The following SAMD12 variants were observed in gnomAD, a reference collection of about 807,000 sequenced individuals.
SAMD12 encodes sterile alpha motif domain containing 12.
A neutral mutation model predicts 15.0 loss-of-function variants in SAMD12; 9 were observed. That is an observed-to-expected ratio of 0.60 (90% confidence interval 0.36 to 1.05). The LOEUF (loss-of-function observed/expected upper bound fraction) is 1.05, where lower values mean the gene tolerates loss of function less well. SAMD12 is among the 50% of genes least tolerant of loss of function. SAMD12 has a pLI of 0.01. For missense variants in SAMD12, 230 were observed against 234.2 expected, an observed-to-expected ratio of 0.98 and a Z score of 0.12; for synonymous variants, 86 against 90.1, an observed-to-expected ratio of 0.96 and a Z score of 0.25.
chr8:118,457,894 T>C (rs933577838), intron 2 of SAMD12, among the ~76,000 whole-genome samples: 1 of 152,222 alleles, frequency 6.6e-6, no homozygotes, highest in Non-Finnish European at 1.5e-5. Flanking sequence ...CAATATGACT[T>C]GTCCTTTGGG....
rs1279590029 is a variant in SAMD12, at chr8:118,216,081, G to A, written c.434-18349C>T. On this transcript the variant is annotated intron_variant, in intron 4 of 4. Coordinates refer to the SAMD12 transcript ENST00000409003. The stretch of plus-strand genomic sequence containing the variant: ...GTTGAACTAGTTTACAGTCCCACCA[G>A]CAGTGTAAAAGTGTTCCTATTTCTC... Among the ~76,000 whole-genome samples the A allele has an allele frequency of 3.2e-3, 473 of 149,388 alleles. 2 individuals carry two copies. Among genetic ancestry groups the A allele is most frequent in the African/African-American group, 8.9e-3 (362 of 40,610 alleles).
chr8:118,237,263 G>GA (rs1451103465), intron 4 of SAMD12, among the ~76,000 whole-genome samples: 1 of 151,880 alleles, frequency 6.6e-6, no homozygotes, highest in Non-Finnish European at 1.5e-5. Context: ...AAAAAAGATG[G>GA]AAAAAAATGA....
At chr8:118,250,853 C>G (rs923369120) in intron 4 of SAMD12, among the ~76,000 whole-genome samples, 3 of 151,984 alleles carry the variant, frequency 2.0e-5, no homozygotes, top group African/African-American at 7.2e-5. Flanking sequence ...TTCCTCTAAG[C>G]TGTGAAACAT....
chr8:118,226,911 C>T (rs536882034), intron 4 of SAMD12, among the ~76,000 whole-genome samples: 3 of 152,244 alleles, frequency 2.0e-5, no homozygotes, highest in Non-Finnish European at 2.9e-5. Context: ...ATAAGTAGAA[C>T]ATTCCATAAA....
chr8:118,350,082 C>T (rs959204899), intron 4 of SAMD12, among the ~76,000 whole-genome samples: 6 of 152,146 alleles, frequency 3.9e-5, no homozygotes, highest in Non-Finnish European at 5.9e-5. Context: ...TGAGCTGTTA[C>T]TCAGCCTGAG....
chr8:118,133,026 A>C, the SAMD12 span, among the ~76,000 whole-genome samples: 19 of 102,456 alleles, frequency 1.9e-4, no homozygotes, highest in East Asian at 9.1e-4. Context: ...ATATATATAT[A>C]TCTTATTACT....
intron 1 of SAMD12, among the ~76,000 whole-genome samples, chr8:118,602,328 T>C (rs1467856373): frequency 2.0e-5 from 3 of 152,214 alleles, no homozygotes; most frequent in African/African-American, 7.2e-5. Context: ...GAAAGCCCAA[T>C]GCTGTGTGCA....
intron 2 of SAMD12, among the ~76,000 whole-genome samples, chr8:118,530,872 T>TA (rs1825666525): frequency 6.6e-6 from 1 of 152,168 alleles, no homozygotes; most frequent in Admixed American, 6.5e-5. Context: ...GACAGGGACT[T>TA]ACTCTGTAGC....
chr8:118,406,259 C>A (rs1470913887), intron 3 of SAMD12, among the ~76,000 whole-genome samples: 1 of 151,714 alleles, frequency 6.6e-6, no homozygotes, highest in Non-Finnish European at 1.5e-5. Flanking sequence ...ACCATCTTAA[C>A]CATTTTATTT....
chr8:118,452,093 C>A (rs1183856952), intron 2 of SAMD12, among the ~76,000 whole-genome samples: 1 of 152,156 alleles, frequency 6.6e-6, no homozygotes, highest in Non-Finnish European at 1.5e-5. Context: ...CTGTCCACCA[C>A]ACAGAGGGAG....
intron 2 of SAMD12, among the ~76,000 whole-genome samples, chr8:118,497,297 T>C (rs982102246): frequency 2.0e-5 from 3 of 152,136 alleles, no homozygotes; most frequent in Non-Finnish European, 2.9e-5. Flanking sequence ...CTATTCACAA[T>C]AGCAAAGACA....
chr8:118,427,852 C>T (rs1303868812), intron 3 of SAMD12, among the ~76,000 whole-genome samples: 1 of 152,178 alleles, frequency 6.6e-6, no homozygotes, highest in Admixed American at 6.5e-5. Context: ...AGAAACTTGA[C>T]ATTTTCAAAT....
rs559294353 is a variant in SAMD12 at position 118,585,026 on chromosome 8, A to G, written c.14-4133T>C. ...GCTCATGTACATAGCAGCATTATTC[A>G]TAACAGTCAAACAGGCATAAACCAA... On this transcript the variant is annotated intron_variant, in intron 1 of 3. Transcript: ENST00000314727. 4.6e-5 allele frequency among the ~76,000 whole-genome samples: 7 copies of G among 152,298 alleles called. No individual in the cohort carries two copies. In the South Asian group the frequency reaches 8.3e-4, roughly 18 times the overall value.
At chr8:118,482,282 T>C (rs1824147921) in intron 2 of SAMD12, among the ~76,000 whole-genome samples, 1 of 152,220 alleles carries the variant, frequency 6.6e-6, no homozygotes. Flanking sequence ...ATCTTTGCCC[T>C]AGAGTTACAG....
In SAMD12 at chr8:118,551,890, T is replaced by C. The variant is rs189961252; in HGVS notation, c.192+28825A>G. On this transcript the variant is annotated intron_variant, in intron 2 of 3. Transcript: ENST00000314727. ...AATACAAACTACCATCAGAGAATAC[T>C]ACAAATACGTCTACGCAAATAAACT... Among the ~76,000 whole-genome samples the C allele has an allele frequency of 4.0e-4, 61 of 151,394 alleles. 1 individual carries two copies. Among genetic ancestry groups the C allele is most frequent in the African/African-American group, 7.5e-4 (31 of 41,180 alleles).
intron 2 of SAMD12, among the ~76,000 whole-genome samples, chr8:118,527,094 T>C (rs893157395): frequency 4.6e-5 from 7 of 152,190 alleles, no homozygotes; most frequent in Admixed American, 6.5e-5. Context: ...TTTTCTCCAT[T>C]TGATATTTCT....
At chr8:118,519,527 ATCCAT>A (rs1420538431) in intron 2 of SAMD12, among the ~76,000 whole-genome samples, 1 of 152,228 alleles carries the variant, frequency 6.6e-6, no homozygotes, top group Non-Finnish European at 1.5e-5. Context: ...ATATATCTAC[ATCCAT>A]TCTAAAGTAC....
At chr8:118,366,330 A>T (rs542356222) in intron 4 of SAMD12, among the ~76,000 whole-genome samples, 30 of 152,144 alleles carry the variant, frequency 2.0e-4, no homozygotes, top group Non-Finnish European at 3.1e-4. Flanking sequence ...CTTCTGTCAC[A>T]CCTCAGACAT....
intron 3 of SAMD12, chr8:118,400,395 A>G (rs1271520980): frequency 2.0e-5 from 3 of 152,212 alleles, no homozygotes; most frequent in Non-Finnish European, 2.9e-5. Flanking sequence ...TCTAATCACT[A>G]TATGACACTG....
Sources: gnomAD v4.1 joint callset for allele counts (sites outside exome capture counted in the v4.1 genomes callset) on GRCh38, gnomAD v4.1.1 for gene constraint, MANE v1.5 for transcripts, NCBI Gene and HGNC (gene_info 2026-07-23, HGNC 2026-07-21) for gene names.